NAA15: variants seen among roughly 807,000 people sequenced by gnomAD.
NAA15 encodes the protein N-alpha-acetyltransferase 15, NatA auxiliary subunit, also known as N-terminal acetyltransferase.
A neutral mutation model predicts 114.0 loss-of-function variants in NAA15; 34 were observed. The ratio of observed to expected loss-of-function variants is 0.30; its 90% CI spans 0.23 to 0.40. NAA15 has a LOEUF of 0.40. Ranked by LOEUF, NAA15 falls within the 10% of genes least tolerant of loss-of-function variation. The probability of loss-of-function intolerance (pLI) is 1.00; values close to 1 mark genes in which losing one functional copy is unlikely to be tolerated. For missense variants in NAA15, 658 were observed against 1,004.5 expected, an observed-to-expected ratio of 0.66 and a Z score of 4.66; for synonymous variants, 340 against 338.0, an observed-to-expected ratio of 1.01 and a Z score of -0.06.
chr4:139,315,248 G>A (rs915480212), intron 1 of NAA15, among the ~76,000 whole-genome samples: 2 of 151,900 alleles, frequency 1.3e-5, no homozygotes, highest in East Asian at 3.9e-4. Context: ...GGCCAGGGAC[G>A]ATGGCTCACG....
rs1747061457 is a variant in NAA15, at chr4:139,332,656, C to T, written c.55-1518C>T. On this transcript the variant is annotated intron_variant, in intron 1 of 19. Transcript: ENST00000296543. ...GGAGTGTGGTGGTGCGATCTCTGCT[C>T]ACTGCAACCTCTGCCTGCTGGGTTC... Among the ~76,000 whole-genome samples the T allele has an allele frequency of 2.3e-5, 3 of 130,710 alleles. No individual in the cohort carries two copies. The South Asian group carries it at 8.0e-4, about 35-fold the overall frequency. 85.8% of individuals were successfully genotyped at this position (130,710 alleles called of 152,430 possible). A position where few individuals can be genotyped will look rare whatever the true frequency, so the allele number is the denominator to read the frequency against.
At chr4:139,302,411 A>T (rs1348597705) in intron 1 of NAA15, 1 of 152,350 alleles carries the variant, frequency 6.6e-6, no homozygotes, top group Non-Finnish European at 1.5e-5. Context: ...TTTTCAAACG[A>T]CTACCTCCTT....
chr4:139,317,866 A>G (rs1746466386), intron 1 of NAA15, among the ~76,000 whole-genome samples: 1 of 152,202 alleles, frequency 6.6e-6, no homozygotes, highest in Non-Finnish European at 1.5e-5. Context: ...CTGTCTGTCA[A>G]TCATGTGTGT....
chr4:139,355,810 C>G (rs1747931224), intron 10 of NAA15, among the ~76,000 whole-genome samples: 1 of 152,050 alleles, frequency 6.6e-6, no homozygotes, highest in Non-Finnish European at 1.5e-5. Flanking sequence ...CAGGTGGTGG[C>G]ATATTCTTCT....
chr4:139,327,945 G>A (rs1243557136), intron 1 of NAA15, among the ~76,000 whole-genome samples: 2 of 152,180 alleles, frequency 1.3e-5, no homozygotes, highest in African/African-American at 4.8e-5. Context: ...GATTACAGGT[G>A]TTCTAGAAGC....
chr4:139,357,924 T>A (rs57796788), intron 11 of NAA15, among the ~76,000 whole-genome samples: 1 of 152,160 alleles, frequency 6.6e-6, no homozygotes, highest in Non-Finnish European at 1.5e-5. Flanking sequence ...TATCTGGCAA[T>A]GTTATTGAGA....
chr4:139,315,402 C>G (rs1003258343), intron 1 of NAA15, among the ~76,000 whole-genome samples: 6 of 151,724 alleles, frequency 4.0e-5, no homozygotes, highest in Non-Finnish European at 8.8e-5. Flanking sequence ...GCCTGTAATC[C>G]CCGCTACTTG....
intron 6 of NAA15, among the ~76,000 whole-genome samples, chr4:139,344,630 A>G (rs573448518): frequency 6.6e-6 from 1 of 152,342 alleles, no homozygotes; most frequent in Admixed American, 6.5e-5. Flanking sequence ...AATTTGATCA[A>G]AACACAAGAG....
At chr4:139,320,121 A>G (rs1214518066) in intron 1 of NAA15, among the ~76,000 whole-genome samples, 1 of 152,166 alleles carries the variant, frequency 6.6e-6, no homozygotes, top group Non-Finnish European at 1.5e-5. Context: ...TTCCCAGGCA[A>G]GTTGAGATTT....
chr4:139,337,003 G>T, intron 3 of NAA15, 51 bp downstream of exon 3: 1 of 1,237,056 alleles, frequency 8.1e-7, no homozygotes, highest in Non-Finnish European at 1.1e-6. Context: ...TTTGAGCTAA[G>T]GCAGCAATTT....
intron 14 of NAA15, among the ~76,000 whole-genome samples, chr4:139,364,735 G>T (rs547446492): frequency 3.9e-5 from 6 of 152,090 alleles, no homozygotes; most frequent in Non-Finnish European, 8.8e-5. Context: ...TAGAATTTTC[G>T]TGTTTTTACA....
chr4:139,358,789 G>A (rs1748045030), intron 11 of NAA15, among the ~76,000 whole-genome samples: 1 of 152,134 alleles, frequency 6.6e-6, no homozygotes, highest in African/African-American at 2.4e-5. Context: ...ATTTGGCTAT[G>A]CCTTTTATGA....
At chr4:139,320,134 C>T (rs952482523) in intron 1 of NAA15, among the ~76,000 whole-genome samples, 2 of 152,196 alleles carry the variant, frequency 1.3e-5, no homozygotes, top group Middle Eastern at 3.4e-3. Flanking sequence ...TGAGATTTTC[C>T]TCTTTGCATA....
rs1749039261 is a variant in NAA15, at chr4:139,390,744, A to G, written c.*2660A>G. On this transcript the variant is annotated 3_prime_UTR_variant, in exon 20 of 20. Coordinates refer to ENST00000296543, the MANE Select transcript of NAA15 (RefSeq NM_057175.5). ...TCATATATTTTCAACATTTTTCTGT[A>G]TCGTATTTATTATGCACAAAAATAA... 1 of 152,236 alleles carries G rather than the reference A, an allele frequency of 6.6e-6. No individual in the cohort carries two copies. The highest frequency in any genetic ancestry group is 1.9e-4 in the East Asian group (1 of 5,202). The allele number at this position is 152,236 out of a possible 1,614,324, so 9.4% of individuals were successfully genotyped here.
chr4:139,318,752 G>A (rs566903874), intron 1 of NAA15, among the ~76,000 whole-genome samples: 1 of 152,036 alleles, frequency 6.6e-6, no homozygotes, highest in Non-Finnish European at 1.5e-5. Flanking sequence ...TACTTGGGAG[G>A]CTGAGGCAAG....
chr4:139,356,712 A>G (rs971772296), intron 10 of NAA15: 2 of 152,154 alleles, frequency 1.3e-5, no homozygotes, highest in South Asian at 4.1e-4. Context: ...TTTGTATTAA[A>G]AAAGAATTTT....
chr4:139,379,133 ATATTTT>A, intron 17 of NAA15: 1 of 240,366 alleles, frequency 4.2e-6, no homozygotes. Flanking sequence ...ATTTTGAACC[ATATTTT>A]GTTATGTAAA....
At chr4:139,365,117 A>G (rs1039467322) in intron 14 of NAA15, among the ~76,000 whole-genome samples, 1 of 152,118 alleles carries the variant, frequency 6.6e-6, no homozygotes, top group African/African-American at 2.4e-5. Context: ...GGCTCACCGC[A>G]ACCTCTGCCT....
chr4:139,344,091 T>C (rs2110917623), intron 5 of NAA15, 95 bp from the exon 6 acceptor site: 1 of 1,106,324 alleles, frequency 9.0e-7, no homozygotes, highest in Non-Finnish European at 1.3e-6. Context: ...CCGGATGTTA[T>C]CCTTTGACTT....
Sources: gnomAD v4.1 joint callset for allele counts (sites outside exome capture counted in the v4.1 genomes callset) on GRCh38, gnomAD v4.1.1 for gene constraint, MANE v1.5 for transcripts, NCBI Gene and HGNC (gene_info 2026-07-23, HGNC 2026-07-21) for gene names.